The following UBE3A variants were observed in gnomAD, a reference collection of about 807,000 sequenced individuals.
The protein encoded by UBE3A is ubiquitin protein ligase E3A, also known as ubiquitin-protein ligase E3A.
Under a neutral mutation model 83.4 loss-of-function variants are expected in UBE3A, and 6 were observed. The ratio of observed to expected loss-of-function variants is 0.07; its 90% CI spans 0.04 to 0.14. The LOEUF is 0.14. Among genes scored for constraint, UBE3A ranks in the 10% least tolerant of loss-of-function variants. UBE3A has a pLI of 1.00. For missense variants in UBE3A, 456 were observed against 1,036.1 expected, an observed-to-expected ratio of 0.44 and a Z score of 7.69; for synonymous variants, 337 against 355.4, an observed-to-expected ratio of 0.95 and a Z score of 0.58.
At chr15:25,385,589 T>C (rs2082972577) in intron 4 of UBE3A, among the ~76,000 whole-genome samples, 1 of 151,992 alleles carries the variant, frequency 6.6e-6, no homozygotes, top group Non-Finnish European at 1.5e-5. Flanking sequence ...TATGAAGAGC[T>C]TGGAAGTCAC....
chr15:25,389,874 C>G (rs774677484), intron 4 of UBE3A, among the ~76,000 whole-genome samples: 15 of 151,368 alleles, frequency 9.9e-5, no homozygotes, highest in Non-Finnish European at 1.9e-4. Flanking sequence ...GGTGACAGAG[C>G]GAGGCTCTGT....
At chr15:25,414,474 G>A (rs543591098) in intron 1 of UBE3A, among the ~76,000 whole-genome samples, 1 of 152,260 alleles carries the variant, frequency 6.6e-6, no homozygotes, top group South Asian at 2.1e-4. Context: ...GCACAGTTAA[G>A]TGTTGTGATG....
At chr15:25,425,305 A>G (rs1891014881) in intron 1 of UBE3A, among the ~76,000 whole-genome samples, 1 of 152,174 alleles carries the variant, frequency 6.6e-6, no homozygotes. Context: ...AGAGGCCAGG[A>G]AAGAATGGGG....
At chr15:25,419,873 A>G (rs1225503266) in intron 1 of UBE3A, among the ~76,000 whole-genome samples, 2 of 152,098 alleles carry the variant, frequency 1.3e-5, no homozygotes, top group Non-Finnish European at 2.9e-5. Context: ...AAATCCTAGA[A>G]GTATCACTGG....
intron 4 of UBE3A, among the ~76,000 whole-genome samples, chr15:25,401,184 C>T (rs1270636574): frequency 6.6e-6 from 1 of 152,054 alleles, no homozygotes; most frequent in East Asian, 1.9e-4. Context: ...GTAAATGATC[C>T]TTCTAATACA....
intron 3 of UBE3A, chr15:25,407,285 G>C (rs1488972156): frequency 1.9e-6 from 2 of 1,045,594 alleles, no homozygotes; most frequent in South Asian, 2.7e-5. Context: ...AGGCAGATTA[G>C]AAGTTTTCAA....
At chr15:25,435,869 T>C (rs1596540937) in intron 1 of UBE3A, among the ~76,000 whole-genome samples, 1 of 152,294 alleles carries the variant, frequency 6.6e-6, no homozygotes, top group Admixed American at 6.5e-5. Context: ...AAGGATAACA[T>C]GCTGTAGTCC....
intron 1 of UBE3A, among the ~76,000 whole-genome samples, chr15:25,429,937 G>A (rs1419698450): frequency 3.5e-5 from 5 of 144,844 alleles, no homozygotes; most frequent in South Asian, 2.1e-4. Flanking sequence ...CCCAGGAGGC[G>A]GAGGCTGCAG....
Position 25,338,949 on chromosome 15 carries a change from C to CCCACATGT in UBE3A, c.*180_*187dup. ...ATGTAGCTGAAATCTGCTGTTCCAG[C>CCCACATGT]CCACATGTCCCCAATAAAGAAGGGA... On this transcript the variant is annotated 3_prime_UTR_variant, in exon 13 of 13. Transcript: ENST00000648336. 1 of 427,858 alleles carries CCCACATGT rather than the reference C, an allele frequency of 2.3e-6. No individual in the cohort carries two copies. The highest frequency in any genetic ancestry group is 3.9e-6 in the Non-Finnish European group (1 of 253,226). 26.5% of individuals were successfully genotyped at this position (427,858 alleles called of 1,614,324 possible). A position where few individuals can be genotyped will look rare whatever the true frequency, so the allele number is the denominator to read the frequency against.
At chr15:25,410,557 G>A (rs188147126) in intron 2 of UBE3A, among the ~76,000 whole-genome samples, 48 of 152,278 alleles carry the variant, frequency 3.2e-4, no homozygotes, top group African/African-American at 1.0e-3. Flanking sequence ...ATAGTCAAGC[G>A]TAAAAGGTGG....
At chr15:25,427,798 A>G (rs1441280140) in intron 1 of UBE3A, among the ~76,000 whole-genome samples, 2 of 111,552 alleles carry the variant, frequency 1.8e-5, no homozygotes. Context: ...TCTCCTGGAA[A>G]AAAAAAAAAA....
intron 1 of UBE3A, among the ~76,000 whole-genome samples, chr15:25,414,184 C>T (rs1184908119): frequency 6.6e-6 from 1 of 152,156 alleles, no homozygotes; most frequent in Non-Finnish European, 1.5e-5. Flanking sequence ...AAAGAACTCA[C>T]TCTGCCTAAT....
Position 25,357,203 on chromosome 15 carries a change from C to CATA in UBE3A, c.1754-310_1754-308dup, listed in dbSNP as rs556397747. 5.7e-3 allele frequency: 1,216 copies of CATA among 211,598 alleles called. 17 individuals carry two copies. Among genetic ancestry groups the CATA allele is most frequent in the Middle Eastern group, 0.013 (7 of 528 alleles). 13.1% of individuals were successfully genotyped at this position (211,598 alleles called of 1,614,324 possible). A position where few individuals can be genotyped will look rare whatever the true frequency, so the allele number is the denominator to read the frequency against. ...CAAGCTTTCTAATTTTCTACTAACA[C>CATA]ATAAGAAAAGTTATATTCATGCTTT... On this transcript the variant is annotated intron_variant, in intron 7 of 12. Transcript: ENST00000648336.
chr15:25,437,855 G>A (rs1216949073), intron 1 of UBE3A, among the ~76,000 whole-genome samples: 1 of 151,798 alleles, frequency 6.6e-6, no homozygotes, highest in African/African-American at 2.4e-5. Context: ...TGAAAAGGGG[G>A]GGGAAAAAAG....
At chr15:25,373,837 A>C (rs2080729018) in intron 5 of UBE3A, 1 of 152,168 alleles carries the variant, frequency 6.6e-6, no homozygotes, top group African/African-American at 2.4e-5. Flanking sequence ...TAGTCAAAAA[A>C]CACTGTAATT....
chr15:25,404,135 C>T (rs1596232725), intron 4 of UBE3A, among the ~76,000 whole-genome samples: 1 of 152,118 alleles, frequency 6.6e-6, no homozygotes, highest in Non-Finnish European at 1.5e-5. Flanking sequence ...AAAGACAAGT[C>T]ACATGGTTGG....
At chr15:25,366,768 C>T (rs546551105) in intron 6 of UBE3A, among the ~76,000 whole-genome samples, 23 of 152,068 alleles carry the variant, frequency 1.5e-4, no homozygotes, top group African/African-American at 5.3e-4. Flanking sequence ...CACACATACA[C>T]ACATAAACAC....
Position 25,354,275 on chromosome 15 carries a change from CTAGAGA to C in UBE3A, c.2354+72_2354+77del, listed in dbSNP as rs1360544374. The C allele has an allele frequency of 1.1e-5, 14 of 1,297,316 alleles. 1 individual carries two copies. In the East Asian group the frequency reaches 2.8e-4, roughly 26 times the overall value. The allele number at this position is 1,297,316 out of a possible 1,614,324, so 80.4% of individuals were successfully genotyped here. On this transcript the variant is annotated intron_variant, in intron 11 of 12. Transcript: ENST00000648336. ...AGTTTGCTTATTTGGGAATTAGTAC[CTAGAGA>C]TAAAGGTCTGAAGCAAAATCACACA...
intron 11 of UBE3A, among the ~76,000 whole-genome samples, chr15:25,348,907 A>G (rs940863822): frequency 9.9e-5 from 15 of 152,244 alleles, no homozygotes; most frequent in Non-Finnish European, 1.6e-4. Flanking sequence ...CAGTCAAGGC[A>G]ACCCAAATCA....
Sources: allele counts gnomAD v4.1 joint callset (sites outside exome capture counted in the v4.1 genomes callset), GRCh38; gene constraint gnomAD v4.1.1; transcripts MANE v1.5; gene names NCBI Gene and HGNC (gene_info 2026-07-23, HGNC 2026-07-21).